PDGFC: variants seen among roughly 807,000 people sequenced by gnomAD.
PDGFC encodes platelet derived growth factor C.
Under a neutral mutation model 35.5 loss-of-function variants are expected in PDGFC, and 12 were observed. The ratio of observed to expected loss-of-function variants is 0.34; its 90% CI spans 0.22 to 0.55. The LOEUF is 0.55. Among genes scored for constraint, PDGFC ranks in the 20% least tolerant of loss-of-function variants. PDGFC has a pLI of 0.91. For missense variants in PDGFC, 322 were observed against 412.4 expected (o/e 0.78, Z 1.90); for synonymous variants, 159 against 148.8 (o/e 1.07, Z -0.50).
chr4:156,829,065 T>G (rs1440177038), intron 2 of PDGFC, among the ~76,000 whole-genome samples: 1 of 152,196 alleles, frequency 6.6e-6, no homozygotes, highest in African/African-American at 2.4e-5. Flanking sequence ...ATTTAACTTC[T>G]ATTATGAGAA....
At chr4:156,865,312 C>G (rs1028863465) in intron 1 of PDGFC, among the ~76,000 whole-genome samples, 1 of 151,970 alleles carries the variant, frequency 6.6e-6, no homozygotes, top group Non-Finnish European at 1.5e-5. Flanking sequence ...GATATACTGT[C>G]AGGAAAAACG....
At chr4:156,779,606 A>T (rs1250906935) in intron 3 of PDGFC, among the ~76,000 whole-genome samples, 2 of 152,366 alleles carry the variant, frequency 1.3e-5, no homozygotes, top group African/African-American at 4.8e-5. Context: ...CCCGGAGAGC[A>T]GAAGTCTTCC....
intron 2 of PDGFC, among the ~76,000 whole-genome samples, chr4:156,813,894 C>T (rs1377015081): frequency 6.6e-6 from 1 of 152,124 alleles, no homozygotes; most frequent in Non-Finnish European, 1.5e-5. Flanking sequence ...TCCACGAGGG[C>T]TCATCTCCAG....
chr4:156,882,667 C>G (rs889938210), intron 1 of PDGFC, among the ~76,000 whole-genome samples: 1 of 152,142 alleles, frequency 6.6e-6, no homozygotes. Flanking sequence ...CTATGTCAAT[C>G]TTTTGACTAA....
chr4:156,802,085 C>T (rs938000833), intron 3 of PDGFC, among the ~76,000 whole-genome samples: 3 of 152,162 alleles, frequency 2.0e-5, no homozygotes, highest in East Asian at 1.9e-4. Context: ...CCCCTCTAGC[C>T]CACCTTTCCC....
At chr4:156,862,310 CTGA>C (rs1729732366) in intron 1 of PDGFC, among the ~76,000 whole-genome samples, 2 of 152,058 alleles carry the variant, frequency 1.3e-5, no homozygotes, top group Admixed American at 6.6e-5. Context: ...TCTGTGACTG[CTGA>C]TAATGACTTA....
chr4:156,779,007 C>T lies in PDGFC; in HGVS notation c.496-6114G>A, dbSNP rs1730909271. ...TTAAGAGAAGACAATAAATGTCCAG[C>T]CTTGGGTAACATCACTTCTTAAAGG... is the stretch of plus-strand genomic sequence containing the variant. On this transcript the variant is annotated intron_variant, in intron 3 of 5. Transcript: ENST00000502773. The T allele has an allele frequency of 1.4e-5, 5 of 352,076 alleles. 1 individual carries two copies. The highest frequency in any genetic ancestry group is 1.1e-4 in the South Asian group (5 of 46,440). 21.8% of individuals were successfully genotyped at this position (352,076 alleles called of 1,614,324 possible).
chr4:156,861,475 G>A, intron 1 of PDGFC: 2 of 1,257,182 alleles, frequency 1.6e-6, no homozygotes, highest in Non-Finnish European at 2.1e-6. Flanking sequence ...CCAGATGCTT[G>A]GATATAGTTC....
intron 2 of PDGFC, among the ~76,000 whole-genome samples, chr4:156,829,306 A>G (rs1268850359): frequency 6.6e-6 from 1 of 152,208 alleles, no homozygotes; most frequent in Non-Finnish European, 1.5e-5. Flanking sequence ...CAAAACAAAT[A>G]TCTTCACATA....
At chr4:156,823,181 C>T (rs896776540) in intron 2 of PDGFC, among the ~76,000 whole-genome samples, 4 of 152,110 alleles carry the variant, frequency 2.6e-5, no homozygotes, top group African/African-American at 4.8e-5. Flanking sequence ...GAGCTGAGCA[C>T]ATCACCTGTG....
Position 156,833,651 on chromosome 4 carries a change from C to A in PDGFC, c.314+16570G>T, listed in dbSNP as rs77680986. Among the ~76,000 whole-genome samples the A allele has an allele frequency of 0.018, 2,783 of 152,196 alleles. 158 individuals are homozygous for A. In the South Asian group the frequency reaches 0.2, roughly 11 times the overall value. ...ACAGTAACTTTTTCGTTTTGCCTAG[C>A]AAATAATTTAACAGCTAATAGAAAA... On this transcript the variant is annotated intron_variant, in intron 2 of 5. Coordinates refer to ENST00000502773, the MANE Select transcript of PDGFC (RefSeq NM_016205.3).
intron 1 of PDGFC, among the ~76,000 whole-genome samples, chr4:156,933,885 C>T (rs77258581): frequency 0.095 from 14,413 of 152,136 alleles, 2,077 homozygotes; most frequent in African/African-American, 0.31. Flanking sequence ...TTTTCTGCCA[C>T]AATTGTAAGT....
At chr4:156,970,443 C>T (rs952586056) in intron 1 of PDGFC, among the ~76,000 whole-genome samples, 1 of 152,156 alleles carries the variant, frequency 6.6e-6, no homozygotes, top group East Asian at 1.9e-4. Context: ...TGCCAAGGCT[C>T]ATTCATTTTG....
At chr4:156,800,082 C>G (rs1480059429) in intron 3 of PDGFC, among the ~76,000 whole-genome samples, 1 of 152,072 alleles carries the variant, frequency 6.6e-6, no homozygotes, top group Non-Finnish European at 1.5e-5. Flanking sequence ...AAGAGGCAGT[C>G]TGATTTTAAA....
intron 3 of PDGFC, among the ~76,000 whole-genome samples, chr4:156,786,144 T>C (rs1731120627): frequency 6.6e-6 from 1 of 152,144 alleles, no homozygotes; most frequent in South Asian, 2.1e-4. Context: ...TATATTCATT[T>C]GCAATAAATA....
chr4:156,827,410 C>A (rs1431065776), intron 2 of PDGFC, among the ~76,000 whole-genome samples: 3 of 144,780 alleles, frequency 2.1e-5, no homozygotes, highest in Non-Finnish European at 4.5e-5. Context: ...GAGTGAGACT[C>A]CATCTCAAAA....
At chr4:156,811,944 T>G (rs184152103) in intron 2 of PDGFC, among the ~76,000 whole-genome samples, 2 of 152,216 alleles carry the variant, frequency 1.3e-5, no homozygotes, top group South Asian at 2.1e-4. Context: ...ATGTCCTCCA[T>G]GCCTTTCAAA....
At chr4:156,910,584 A>G (rs529785563) in intron 1 of PDGFC, among the ~76,000 whole-genome samples, 2 of 152,232 alleles carry the variant, frequency 1.3e-5, no homozygotes, top group South Asian at 4.1e-4. Flanking sequence ...CATATGATAA[A>G]TGCATATTGA....
At chr4:156,824,064 C>G (rs1340936308) in intron 2 of PDGFC, among the ~76,000 whole-genome samples, 1 of 151,560 alleles carries the variant, frequency 6.6e-6, no homozygotes, top group Non-Finnish European at 1.5e-5. Context: ...AGGTGGTTAC[C>G]AGAGCCTAGA....
Sources: gnomAD v4.1 joint callset for allele counts (sites outside exome capture counted in the v4.1 genomes callset) on GRCh38, gnomAD v4.1.1 for gene constraint, MANE v1.5 for transcripts, NCBI Gene and HGNC (gene_info 2026-07-23, HGNC 2026-07-21) for gene names.